ANKMY2: variants seen among roughly 807,000 people sequenced by gnomAD.
ANKMY2 encodes the protein ankyrin repeat and MYND domain-containing protein 2.
A neutral mutation model predicts 50.4 loss-of-function variants in ANKMY2; 36 were observed. The ratio of observed to expected loss-of-function variants is 0.71; its 90% CI spans 0.55 to 0.94. ANKMY2 has a LOEUF of 0.94. Ranked by LOEUF, ANKMY2 falls within the 40% of genes least tolerant of loss-of-function variation. The probability of loss-of-function intolerance (pLI) is 0.00; values close to 1 mark genes in which losing one functional copy is unlikely to be tolerated. For missense variants in ANKMY2, 565 were observed against 524.0 expected (o/e 1.08, Z -0.76); for synonymous variants, 187 against 178.8 (o/e 1.05, Z -0.36).
At chr7:16,620,591 T>TATACAC (rs1781419630) in intron 4 of ANKMY2, among the ~76,000 whole-genome samples, 1 of 145,510 alleles carries the variant, frequency 6.9e-6, no homozygotes, top group African/African-American at 2.6e-5. Context: ...AATACATGTG[T>TATACAC]ACACACACAC....
At chr7:16,619,045 C>G (rs2128343702) in intron 4 of ANKMY2, among the ~76,000 whole-genome samples, 1 of 152,270 alleles carries the variant, frequency 6.6e-6, no homozygotes, top group South Asian at 2.1e-4. Context: ...CATCAGTCCT[C>G]CAACTAGTAC....
At chr7:16,641,183 G>A (rs1318475514) in intron 1 of ANKMY2, among the ~76,000 whole-genome samples, 3 of 152,054 alleles carry the variant, frequency 2.0e-5, no homozygotes, top group Non-Finnish European at 2.9e-5. Flanking sequence ...GCAGTGAGCC[G>A]AGAGCGCACC....
At chr7:16,623,723 G>C (rs1781473137) in intron 4 of ANKMY2, among the ~76,000 whole-genome samples, 1 of 152,056 alleles carries the variant, frequency 6.6e-6, no homozygotes, top group South Asian at 2.1e-4. Flanking sequence ...AATTAGCTCA[G>C]AACTGAGATG....
At chr7:16,636,491 C>A in intron 1 of ANKMY2, 36 bp from the exon 2 acceptor site, 1 of 1,493,570 alleles carries the variant, frequency 6.7e-7, no homozygotes. Context: ...TAAGGTTATT[C>A]GTCACTAGAA....
At position 16,645,617 on chromosome 7, in the gene ANKMY2, T is replaced by G. The variant is rs908495196; in HGVS notation, c.-44A>C. 14 of 1,587,990 alleles carry G rather than the reference T, an allele frequency of 8.8e-6. No homozygotes were observed. In the Admixed American group the frequency reaches 2.4e-4, roughly 27 times the overall value. On this transcript the variant is annotated 5_prime_UTR_variant, in exon 1 of 10. Transcript: ENST00000306999. The stretch of plus-strand genomic sequence containing the variant: ...GGTTATTCCCTTTCTTAGGGAGTAT[T>G]AAAAAAGAAACGATGCGTCTGTATT...
At chr7:16,622,664 C>T (rs569167525) in intron 4 of ANKMY2, among the ~76,000 whole-genome samples, 15 of 151,840 alleles carry the variant, frequency 9.9e-5, no homozygotes, top group African/African-American at 2.4e-4. Context: ...CACTTGAACC[C>T]GGGAGGCGGA....
intron 4 of ANKMY2, 50 bp downstream of exon 4, chr7:16,624,933 C>G (rs758887902): frequency 1.3e-6 from 2 of 1,523,994 alleles, no homozygotes; most frequent in East Asian, 4.5e-5. Flanking sequence ...TTTTTTTCCA[C>G]AAGGGAAATT....
At chr7:16,628,130 G>A (rs1351908582) in intron 2 of ANKMY2, among the ~76,000 whole-genome samples, 1 of 152,216 alleles carries the variant, frequency 6.6e-6, no homozygotes, top group African/African-American at 2.4e-5. Flanking sequence ...CTGTTAGTGT[G>A]AGTGAATTTT....
intron 2 of ANKMY2, among the ~76,000 whole-genome samples, chr7:16,631,077 G>A (rs1261244440): frequency 6.6e-6 from 1 of 152,168 alleles, no homozygotes; most frequent in South Asian, 2.1e-4. Flanking sequence ...AAACCTATCA[G>A]GTTACAGAAG....
Position 16,610,713 on chromosome 7 carries a change from C to T in ANKMY2, c.582G>A (p.Leu194=). The T allele has an allele frequency of 6.2e-7, 1 of 1,613,932 alleles. No individual in the cohort carries two copies. Among genetic ancestry groups the T allele is most frequent in the Non-Finnish European group, 8.5e-7 (1 of 1,179,954 alleles). The change falls in exon 6 of 10, where the codon CTG becomes CTA. Residue 194 remains leucine, a synonymous_variant. Transcript: ENST00000306999. ...AATCCATCACTCTGTAGCATTTATT[C>T]AGGGCTGCTTCTTCTGTCAGCAGAG... ...ENPLLTEEAA[L]NKCYRVMDLI...
intron 2 of ANKMY2, among the ~76,000 whole-genome samples, chr7:16,629,921 G>A (rs1781557800): frequency 6.6e-6 from 1 of 152,096 alleles, no homozygotes. Context: ...ATGCTCCATA[G>A]AGATATAAAC....
chr7:16,639,516 T>A (rs927554126), intron 1 of ANKMY2, among the ~76,000 whole-genome samples: 1 of 152,208 alleles, frequency 6.6e-6, no homozygotes, highest in Non-Finnish European at 1.5e-5. Flanking sequence ...TAGGGTGGAA[T>A]TGATCACTTT....
rs761508245 is a variant in ANKMY2, at chr7:16,615,923, A to G, written c.371-19T>C. 4 of 1,579,578 alleles carry G rather than the reference A, an allele frequency of 2.5e-6. No homozygotes were observed. Among genetic ancestry groups the G allele is most frequent in the Non-Finnish European group, 3.4e-6 (4 of 1,165,026 alleles). On this transcript the variant is annotated intron_variant, in intron 4 of 9. Transcript: ENST00000306999. ...TGTTGACCTTTTCATAGAAAAATAGAAAAGTTGTAGTTTTAGTATTAAAAA... is the reference window on the plus strand; with the variant it reads ...TGTTGACCTTTTCATAGAAAAATAGGAAAGTTGTAGTTTTAGTATTAAAAA...
At chr7:16,624,673 T>C (rs1248254755) in intron 4 of ANKMY2, among the ~76,000 whole-genome samples, 1 of 152,222 alleles carries the variant, frequency 6.6e-6, no homozygotes, top group African/African-American at 2.4e-5. Context: ...GATTACTGAC[T>C]TCTCGGTTAG....
rs374631474 is a variant in ANKMY2, at chr7:16,602,520, T to C, written c.1012-11A>G. 7 of 1,606,454 alleles carry C rather than the reference T, an allele frequency of 4.4e-6. No individual in the cohort carries two copies. The highest frequency in any genetic ancestry group is 1.3e-5 in the African/African-American group (1 of 74,460). On this transcript the variant is annotated splice_polypyrimidine_tract_variant and intron_variant, in intron 8 of 9. Transcript: ENST00000306999. ...ATCACAATATATTACCTGAAAGCAA[T>C]TGTTGGTTTATTTTCATTTCCAGAG...
At chr7:16,601,925 T>C (rs1253135108) in intron 9 of ANKMY2, among the ~76,000 whole-genome samples, 3 of 152,236 alleles carry the variant, frequency 2.0e-5, no homozygotes, top group Admixed American at 6.5e-5. Flanking sequence ...TGCAATTTAA[T>C]GAATGATTTA....
chr7:16,614,859 T>C (rs553705040), intron 5 of ANKMY2, among the ~76,000 whole-genome samples: 1 of 152,356 alleles, frequency 6.6e-6, no homozygotes, highest in South Asian at 2.1e-4. Context: ...AAGCATGTGA[T>C]AGATACTGAA....
At position 16,644,549 on chromosome 7, in the gene ANKMY2, T is replaced by C. The variant is rs532517460; in HGVS notation, c.67+958A>G. 2.3e-5 allele frequency: 8 copies of C among 353,366 alleles called. No individual in the cohort carries two copies. In the East Asian group the frequency reaches 8.2e-4, roughly 36 times the overall value. The allele number at this position is 353,366 out of a possible 1,614,324, so 21.9% of individuals were successfully genotyped here. A position where few individuals can be genotyped will look rare whatever the true frequency, so the allele number is the denominator to read the frequency against. On this transcript the variant is annotated intron_variant, in intron 1 of 9. Transcript: ENST00000306999. Reference sequence around the variant, plus strand: ...AAGCCTTATGCTGCAATGACTGGCATCTCTGCCATTCGAGGACAAACATGG... The same window carrying C: ...AAGCCTTATGCTGCAATGACTGGCACCTCTGCCATTCGAGGACAAACATGG...
At chr7:16,635,383 G>A (rs1216508930) in intron 2 of ANKMY2, among the ~76,000 whole-genome samples, 1 of 152,102 alleles carries the variant, frequency 6.6e-6, no homozygotes, top group Non-Finnish European at 1.5e-5. Flanking sequence ...TTACAAAGGG[G>A]TATGAGGAAA....
Sources: allele counts gnomAD v4.1 joint callset (sites outside exome capture counted in the v4.1 genomes callset), GRCh38; gene constraint gnomAD v4.1.1; transcripts MANE v1.5; gene names NCBI Gene and HGNC (gene_info 2026-07-23, HGNC 2026-07-21).